PIK3AP1: variants seen among roughly 807,000 people sequenced by gnomAD.
The protein encoded by PIK3AP1 is phosphoinositide 3-kinase adapter protein 1.
In PIK3AP1, 21 loss-of-function variants were observed where a neutral mutation model predicts 88.1. The ratio of observed to expected loss-of-function variants is 0.24; its 90% CI spans 0.17 to 0.34. The LOEUF is 0.34. Ranked by LOEUF, PIK3AP1 falls within the 10% of genes least tolerant of loss-of-function variation. PIK3AP1 has a pLI of 1.00. For synonymous variants in PIK3AP1, 398 were observed against 400.0 expected (o/e 1.00, Z 0.06); for missense variants, 828 against 1,035.7 (o/e 0.80, Z 2.75).
intron 7 of PIK3AP1, 67 bp downstream of exon 7, chr10:96,648,592 G>A: frequency 1.3e-6 from 2 of 1,485,772 alleles, no homozygotes; most frequent in East Asian, 5.0e-5. Flanking sequence ...CGTATTTTGG[G>A]TGAAAGGGCA....
At chr10:96,613,017 G>C in intron 13 of PIK3AP1, among the ~76,000 whole-genome samples, 1 of 45,988 alleles carries the variant, frequency 2.2e-5, no homozygotes, top group Non-Finnish European at 3.9e-5. Context: ...TTTTTTTTTT[G>C]AGACAGAGTC....
intron 2 of PIK3AP1, among the ~76,000 whole-genome samples, chr10:96,704,611 G>A (rs1844338854): frequency 6.6e-6 from 1 of 152,060 alleles, no homozygotes; most frequent in African/African-American, 2.4e-5. Flanking sequence ...CCATCTACTT[G>A]GGAGGCTGAG....
chr10:96,716,615 G>A (rs974092317), intron 1 of PIK3AP1, among the ~76,000 whole-genome samples: 2 of 152,166 alleles, frequency 1.3e-5, no homozygotes, highest in African/African-American at 4.8e-5. Flanking sequence ...AACAATATAG[G>A]ACTAAATGCT....
Position 96,594,216 on chromosome 10 carries a change from T to A in PIK3AP1, c.*1361A>T, listed in dbSNP as rs144946087. ...TAATAATAAGTATGTAAAAAATAGA[T>A]AACTACAGTCGTACTTTGGTATCCA... On this transcript the variant is annotated 3_prime_UTR_variant, in exon 17 of 17. Coordinates refer to ENST00000339364, the MANE Select transcript of PIK3AP1 (RefSeq NM_152309.3). The surrounding 1 kb of genome is among the most constrained non-coding windows in gnomAD (Gnocchi z 4.6). 3.3e-5 allele frequency: 5 copies of A among 152,304 alleles called. No individual in the cohort carries two copies. Among genetic ancestry groups the A allele is most frequent in the African/African-American group, 1.2e-4 (5 of 41,560 alleles). 9.4% of individuals were successfully genotyped at this position (152,304 alleles called of 1,614,324 possible).
intron 2 of PIK3AP1, among the ~76,000 whole-genome samples, chr10:96,689,160 C>T (rs2030316978): frequency 6.6e-6 from 1 of 152,182 alleles, no homozygotes; most frequent in Non-Finnish European, 1.5e-5. Flanking sequence ...CAGGCCACTT[C>T]TCAGCCCAAA....
intron 2 of PIK3AP1, among the ~76,000 whole-genome samples, chr10:96,706,927 A>G (rs1337545985): frequency 3.3e-5 from 5 of 152,232 alleles, no homozygotes; most frequent in African/African-American, 1.2e-4. Flanking sequence ...CAGATAAGAA[A>G]GTTATATTGA....
intron 4 of PIK3AP1, 105 bp downstream of exon 4, chr10:96,652,593 G>C: frequency 2.1e-6 from 3 of 1,402,384 alleles, no homozygotes; most frequent in Non-Finnish European, 3.0e-6. Context: ...AATCAAAGTA[G>C]CAAACATATT....
At chr10:96,638,056 C>G (rs1318394506) in intron 8 of PIK3AP1, among the ~76,000 whole-genome samples, 2 of 152,080 alleles carry the variant, frequency 1.3e-5, no homozygotes, top group African/African-American at 4.8e-5. Flanking sequence ...AGTTTTGGGG[C>G]AACTGGAATG....
intron 8 of PIK3AP1, among the ~76,000 whole-genome samples, chr10:96,642,550 G>A (rs188518427): frequency 4.3e-4 from 65 of 152,260 alleles, no homozygotes; most frequent in African/African-American, 1.5e-3. Context: ...AAAATGTGGT[G>A]GGTTTCCTTT....
At chr10:96,652,572 CAAA>C in intron 4 of PIK3AP1, 123 bp downstream of exon 4, 2 of 969,794 alleles carry the variant, frequency 2.1e-6, no homozygotes, top group South Asian at 1.6e-5. Flanking sequence ...GACTCTGTCT[CAAA>C]AAAAAAAAAT....
At chr10:96,687,055 G>T (rs925138611) in intron 2 of PIK3AP1, among the ~76,000 whole-genome samples, 5 of 151,854 alleles carry the variant, frequency 3.3e-5, no homozygotes, top group African/African-American at 1.2e-4. Flanking sequence ...AGGAGATCGA[G>T]ACCATCCTGG....
intron 11 of PIK3AP1, among the ~76,000 whole-genome samples, chr10:96,622,098 T>G (rs1230422906): frequency 6.6e-6 from 1 of 152,230 alleles, no homozygotes; most frequent in East Asian, 1.9e-4. Context: ...GCACAGTGAT[T>G]GTGGACCCAT....
intron 10 of PIK3AP1, among the ~76,000 whole-genome samples, chr10:96,624,594 G>A (rs1304699854): frequency 7.2e-5 from 11 of 151,824 alleles, no homozygotes; most frequent in East Asian, 1.9e-4. Context: ...TTGGGAGGCC[G>A]AGGCAGGAGG....
In PIK3AP1 at chr10:96,595,295, A is replaced by G. The variant is rs1313258740; in HGVS notation, c.*282T>C. ...TCTTTTTAGGCTTCTGATATGGCAA[A>G]TTAGAGGTAAGTATTTCGATTAAGT... On this transcript the variant is annotated 3_prime_UTR_variant, in exon 17 of 17. Transcript: ENST00000339364. The G allele has an allele frequency of 2.4e-6, 1 of 421,262 alleles. No individual in the cohort carries two copies. The highest frequency in any genetic ancestry group is 4.3e-6 in the Non-Finnish European group (1 of 234,856). The allele number at this position is 421,262 out of a possible 1,614,324, so 26.1% of individuals were successfully genotyped here. A position where few individuals can be genotyped will look rare whatever the true frequency, so the allele number is the denominator to read the frequency against.
intron 2 of PIK3AP1, among the ~76,000 whole-genome samples, chr10:96,663,421 G>A (rs1843719736): frequency 6.6e-6 from 1 of 151,832 alleles, no homozygotes; most frequent in Non-Finnish European, 1.5e-5. Context: ...CCTGAGGTCA[G>A]GAGTTCAAGA....
At chr10:96,679,725 G>T (rs1203283556) in intron 2 of PIK3AP1, among the ~76,000 whole-genome samples, 1 of 152,120 alleles carries the variant, frequency 6.6e-6, no homozygotes, top group Admixed American at 6.6e-5. Context: ...TTCAGCCACA[G>T]CACCAAGGTC....
intron 2 of PIK3AP1, among the ~76,000 whole-genome samples, chr10:96,709,002 A>G (rs1287967420): frequency 6.6e-6 from 1 of 151,214 alleles, no homozygotes; most frequent in Non-Finnish European, 1.5e-5. Flanking sequence ...GCATGGTGGC[A>G]CACACCTGTA....
At chr10:96,658,565 C>T (rs926368766) in intron 2 of PIK3AP1, among the ~76,000 whole-genome samples, 6 of 152,122 alleles carry the variant, frequency 3.9e-5, no homozygotes, top group South Asian at 4.1e-4. Context: ...GCAGAGGGGC[C>T]GGGGCTTCTT....
intron 13 of PIK3AP1, among the ~76,000 whole-genome samples, chr10:96,612,436 C>T (rs965807797): frequency 2.0e-5 from 3 of 152,100 alleles, no homozygotes; most frequent in Admixed American, 6.5e-5. Flanking sequence ...CTAAGGCAAA[C>T]GAAGTTCTCA....
Sources: gnomAD v4.1 joint callset for allele counts (sites outside exome capture counted in the v4.1 genomes callset) on GRCh38, gnomAD v4.1.1 for gene constraint, Gnocchi (gnomAD v3.1) non-coding constraint, MANE v1.5 for transcripts, NCBI Gene and HGNC (gene_info 2026-07-23, HGNC 2026-07-21) for gene names.